SRL: variants seen among roughly 807,000 people sequenced by gnomAD.
SRL encodes sarcalumenin.
Under a neutral mutation model 39.5 loss-of-function variants are expected in SRL, and 23 were observed. The ratio of observed to expected loss-of-function variants is 0.58; its 90% confidence interval spans 0.42 to 0.82. The LOEUF (loss-of-function observed/expected upper bound fraction) is 0.82, where lower values mean the gene tolerates loss of function less well. Among genes scored for constraint, SRL ranks in the 40% least tolerant of loss-of-function variants. The probability of loss-of-function intolerance (pLI) is 0.00; values close to 1 mark genes in which losing one functional copy is unlikely to be tolerated. For missense variants in SRL, 592 were observed against 607.8 expected, an observed-to-expected ratio of 0.97 and a Z score of 0.27; for synonymous variants, 272 against 237.4, an observed-to-expected ratio of 1.15 and a Z score of -1.34.
At chr16:4,199,693 C>CTTTTCTT (rs2052197728) in intron 3 of SRL, among the ~76,000 whole-genome samples, 1 of 96,424 alleles carries the variant, frequency 1.0e-5, no homozygotes, top group African/African-American at 4.0e-5. Flanking sequence ...TTTTCTTTTC[C>CTTTTCTT]TTTTTTTTTT....
intron 1 of SRL, among the ~76,000 whole-genome samples, chr16:4,238,657 C>T (rs2052739083): frequency 6.6e-6 from 1 of 151,406 alleles, no homozygotes; most frequent in African/African-American, 2.4e-5. Flanking sequence ...CAAGGTCTCG[C>T]TCTGTCACCC....
rs1440562657 is a variant in SRL at position 4,191,983 on chromosome 16, C to G, written c.*170G>C. ...CACAGGAATTCACAGTTTCCACTCT[C>G]CTCCCTAGACCCACACACCTGCCCC... is the stretch of plus-strand genomic sequence containing the variant. On this transcript the variant is annotated 3_prime_UTR_variant, in exon 6 of 6. Transcript: ENST00000399609. 2 of 652,384 alleles carry G rather than the reference C, an allele frequency of 3.1e-6. No homozygotes were observed. Among genetic ancestry groups the G allele is most frequent in the Non-Finnish European group, 5.1e-6 (2 of 394,520 alleles). The allele number at this position is 652,384 out of a possible 1,614,324, so 40.4% of individuals were successfully genotyped here.
intron 1 of SRL, among the ~76,000 whole-genome samples, chr16:4,225,246 A>G (rs1004135689): frequency 6.6e-6 from 1 of 152,194 alleles, no homozygotes; most frequent in African/African-American, 2.4e-5. Flanking sequence ...TAAATGAGAA[A>G]ATTAAATGAC....
At chr16:4,206,988 CCTTCCTGGGGCTCCTCGG>C (rs1490088473) in intron 1 of SRL, 1 of 454,584 alleles carries the variant, frequency 2.2e-6, no homozygotes, top group East Asian at 7.0e-5. Flanking sequence ...TGGCGCTCCA[CCTTCCTGGGGCTCCTCGG>C]CTTCCTGGGG....
chr16:4,238,359 C>G (rs2052734716), intron 1 of SRL, among the ~76,000 whole-genome samples: 1 of 152,126 alleles, frequency 6.6e-6, no homozygotes, highest in South Asian at 2.1e-4. Context: ...AAACAGCTGT[C>G]CCCCTCCTGA....
At chr16:4,223,338 C>A (rs1196919296) in intron 1 of SRL, among the ~76,000 whole-genome samples, 3 of 151,570 alleles carry the variant, frequency 2.0e-5, no homozygotes, top group African/African-American at 2.4e-5. Context: ...TATTCTCAGG[C>A]CTCCAGAACA....
In SRL at chr16:4,192,169, C is replaced by T. The variant is rs371482288; in HGVS notation, c.1406G>A (p.Arg469His). 3 of 1,552,590 alleles carry T rather than the reference C, an allele frequency of 1.9e-6. No individual in the cohort carries two copies. In the Admixed American group the frequency reaches 5.9e-5, roughly 31 times the overall value. ...CTCCACCACCTAGTGCTTCCTGTAGCGATTTTTTGGTGTTTCGCTACACCC... is the reference window on the plus strand; with the variant it reads ...CTCCACCACCTAGTGCTTCCTGTAGTGATTTTTTGGTGTTTCGCTACACCC... ...KTGCSETPKN[R>H]YRKH The change falls in exon 6 of 6, where the codon CGC (arginine) becomes CAC (histidine). Residue 469 changes from arginine (R) to histidine (H), a missense_variant. By Grantham distance (29) the Arg-to-His change is conservative. Transcript: ENST00000399609. The surrounding 1 kb of genome is among the most constrained non-coding windows in gnomAD (Gnocchi z 4.0).
In SRL at chr16:4,204,643, A is replaced by T; in HGVS notation, c.62-9T>A. On this transcript the variant is annotated splice_polypyrimidine_tract_variant and intron_variant, in intron 1 of 5. Coordinates refer to ENST00000399609, the MANE Select transcript of SRL (RefSeq NM_001098814.2). Reference sequence around the variant, plus strand: ...TGCATCCTCCGTCTCTTCTGTGGAGAGAAGCAGACAGCCAAGTGAGAGCAA... The same window carrying T: ...TGCATCCTCCGTCTCTTCTGTGGAGTGAAGCAGACAGCCAAGTGAGAGCAA... 2 of 1,612,456 alleles carry T rather than the reference A, an allele frequency of 1.2e-6. No individual in the cohort carries two copies. The highest frequency in any genetic ancestry group is 1.7e-6 in the Non-Finnish European group (2 of 1,178,638).
rs764217330 is a variant in SRL at position 4,191,253 on chromosome 16, C to T, written c.*900G>A. 1.3e-5 allele frequency: 2 copies of T among 152,202 alleles called. No homozygotes were observed. The highest frequency in any genetic ancestry group is 4.8e-5 in the African/African-American group (2 of 41,420). 9.4% of individuals were successfully genotyped at this position (152,202 alleles called of 1,614,324 possible). A position where few individuals can be genotyped will look rare whatever the true frequency, so the allele number is the denominator to read the frequency against. On this transcript the variant is annotated 3_prime_UTR_variant, in exon 6 of 6. Coordinates refer to ENST00000399609, the MANE Select transcript of SRL (RefSeq NM_001098814.2). ...CCTGGGAACTCCTGTTCTTAGTTGT[C>T]GAGTGTCCTAAACCACTGCCCCACC...
chr16:4,197,839 G>T lies in SRL; in HGVS notation c.336C>A (p.Tyr112Ter). ...AGCGAGTATTTTCCAGCCCAAGGAGGTAGTTTATCATGGTAGATTTACCAA... is the reference window on the plus strand; with the variant it reads ...AGCGAGTATTTTCCAGCCCAAGGAGTTAGTTTATCATGGTAGATTTACCAA... ...WSVGKSTMIN[Y>*]LLGLENTRYQ... Residue 112 changes from tyrosine to a stop codon, truncating the protein, a stop_gained, in exon 4 of 6, where the codon TAC becomes TAA. Coordinates refer to ENST00000399609, the MANE Select transcript of SRL (RefSeq NM_001098814.2). LOFTEE classifies it high-confidence loss of function. The T allele has an allele frequency of 6.2e-7, 1 of 1,613,918 alleles. No homozygotes were observed. Among genetic ancestry groups the T allele is most frequent in the Non-Finnish European group, 8.5e-7 (1 of 1,179,764 alleles).
At chr16:4,226,518 G>A (rs752530774) in intron 1 of SRL, among the ~76,000 whole-genome samples, 2 of 151,814 alleles carry the variant, frequency 1.3e-5, no homozygotes, top group Non-Finnish European at 2.9e-5. Flanking sequence ...TGGATGGATG[G>A]ATAAATGGAG....
chr16:4,225,420 C>G (rs2052576604), intron 1 of SRL, among the ~76,000 whole-genome samples: 1 of 151,644 alleles, frequency 6.6e-6, no homozygotes, highest in Admixed American at 6.6e-5. Context: ...TCATCTCTAC[C>G]AAAAATACAA....
intron 1 of SRL, among the ~76,000 whole-genome samples, chr16:4,218,436 G>T (rs191908617): frequency 1.3e-5 from 2 of 152,120 alleles, no homozygotes; most frequent in Non-Finnish European, 2.9e-5. Context: ...GTGAGCACTG[G>T]GAGTAAGACA....
At chr16:4,227,656 C>T (rs564819375) in intron 1 of SRL, among the ~76,000 whole-genome samples, 25 of 152,182 alleles carry the variant, frequency 1.6e-4, no homozygotes, top group African/African-American at 5.3e-4. Context: ...ACCCCACTTG[C>T]GTTCCAAGAG....
intron 5 of SRL, among the ~76,000 whole-genome samples, chr16:4,194,849 C>T (rs888417979): frequency 1.3e-5 from 2 of 152,062 alleles, no homozygotes; most frequent in East Asian, 1.9e-4. Context: ...GGCACACTTC[C>T]TCTCCCTGCC....
chr16:4,205,885 G>T (rs1019228645), intron 1 of SRL, among the ~76,000 whole-genome samples: 2 of 151,800 alleles, frequency 1.3e-5, no homozygotes, highest in Non-Finnish European at 2.9e-5. Context: ...GTTAGAAGCT[G>T]CAGTGAGCTA....
chr16:4,213,404 C>CTTTTTCTCTTTT (rs1237775177), intron 1 of SRL, among the ~76,000 whole-genome samples: 2 of 69,584 alleles, frequency 2.9e-5, no homozygotes, highest in African/African-American at 1.6e-4. Flanking sequence ...TTTTCTTTTT[C>CTTTTTCTCTTTT]TTTTTTTTTT....
intron 1 of SRL, among the ~76,000 whole-genome samples, chr16:4,211,496 C>T (rs1336461127): frequency 5.3e-5 from 7 of 131,428 alleles, no homozygotes; most frequent in Admixed American, 5.1e-4. Context: ...GATGACCATG[C>T]TAATGATGAG....
At chr16:4,226,343 C>T (rs1991067) in intron 1 of SRL, among the ~76,000 whole-genome samples, 105,638 of 151,768 alleles carry the variant, frequency 0.7, 37,036 homozygotes, top group Non-Finnish European at 0.72. Context: ...GATGAACAGA[C>T]GAATGGATGG....
Sources: allele counts gnomAD v4.1 joint callset (sites outside exome capture counted in the v4.1 genomes callset), GRCh38; gene constraint gnomAD v4.1.1; non-coding constraint Gnocchi (gnomAD v3.1); transcripts MANE v1.5; gene names NCBI Gene and HGNC (gene_info 2026-07-23, HGNC 2026-07-21).